Variants in CDKAL1 observed in about 807,000 individuals in gnomAD.
CDKAL1 encodes CDKAL1 threonylcarbamoyladenosine tRNA methylthiotransferase, also known as threonylcarbamoyladenosine tRNA methylthiotransferase.
CDKAL1 carries 32 observed loss-of-function variants against 68.2 expected under a neutral mutation model. The observed-to-expected ratio is 0.47, with a 90% CI of 0.35 to 0.63. CDKAL1 has a LOEUF of 0.63. CDKAL1 is among the 30% of genes least tolerant of loss of function. The pLI is 0.00. For missense variants in CDKAL1, 606 were observed against 696.7 expected, an observed-to-expected ratio of 0.87 and a Z score of 1.47; for synonymous variants, 234 against 244.3, an observed-to-expected ratio of 0.96 and a Z score of 0.39.
chr6:20,735,738 G>A (rs1773161990), intron 5 of CDKAL1, among the ~76,000 whole-genome samples: 1 of 152,170 alleles, frequency 6.6e-6, no homozygotes, highest in African/African-American at 2.4e-5. Flanking sequence ...TATATTGGCT[G>A]TACTGTTTTC....
At chr6:20,661,107 C>T (rs572564152) in intron 5 of CDKAL1, among the ~76,000 whole-genome samples, 2 of 152,200 alleles carry the variant, frequency 1.3e-5, no homozygotes, top group Admixed American at 6.5e-5. Flanking sequence ...TATCCTTGGT[C>T]TCTAGAATAG....
At chr6:20,591,091 A>G (rs1765572450) in intron 4 of CDKAL1, among the ~76,000 whole-genome samples, 1 of 152,068 alleles carries the variant, frequency 6.6e-6, no homozygotes, top group Non-Finnish European at 1.5e-5. Flanking sequence ...TTTGATTTGC[A>G]TTTCTCCAAT....
At chr6:20,964,475 G>T (rs2150742887) in intron 10 of CDKAL1, among the ~76,000 whole-genome samples, 1 of 152,278 alleles carries the variant, frequency 6.6e-6, no homozygotes, top group African/African-American at 2.4e-5. Context: ...CATAAAAAAA[G>T]AACGAAATCA....
At chr6:20,939,875 C>T (rs1045332152) in intron 9 of CDKAL1, among the ~76,000 whole-genome samples, 7 of 152,168 alleles carry the variant, frequency 4.6e-5, no homozygotes, top group African/African-American at 1.7e-4. Context: ...TGGCAAATTA[C>T]ATATCTTACC....
chr6:20,886,192 C>T (rs1761060119), intron 9 of CDKAL1, among the ~76,000 whole-genome samples: 1 of 152,294 alleles, frequency 6.6e-6, no homozygotes, highest in South Asian at 2.1e-4. Flanking sequence ...CAAAACCCTT[C>T]AGACTTGCTA....
In CDKAL1 at chr6:20,943,195, T is replaced by C. The variant is rs138121458; in HGVS notation, c.743-12224T>C. On this transcript the variant is annotated intron_variant, in intron 9 of 15. Transcript: ENST00000274695. ...AGAGTGTTTCAGTCTTTTGAGGTTA[T>C]GTCTCCATTACACTCTGGCTTGCAT... Among the ~76,000 whole-genome samples the C allele has an allele frequency of 2.1e-4, 32 of 151,452 alleles. 1 individual carries two copies. The highest frequency in any genetic ancestry group is 3.9e-4 in the Admixed American group (6 of 15,194).
intron 9 of CDKAL1, among the ~76,000 whole-genome samples, chr6:20,856,083 A>T (rs1453310552): frequency 1.3e-5 from 2 of 152,228 alleles, no homozygotes; most frequent in Non-Finnish European, 2.9e-5. Flanking sequence ...TGATGTATTT[A>T]ATGAAGATTC....
At chr6:20,926,290 A>G (rs1175580902) in intron 9 of CDKAL1, among the ~76,000 whole-genome samples, 1 of 152,136 alleles carries the variant, frequency 6.6e-6, no homozygotes, top group Non-Finnish European at 1.5e-5. Flanking sequence ...TGGTCAGTAC[A>G]CTTATTTATG....
chr6:20,812,088 T>G (rs1357632379), intron 8 of CDKAL1, among the ~76,000 whole-genome samples: 1 of 152,182 alleles, frequency 6.6e-6, no homozygotes, highest in African/African-American at 2.4e-5. Context: ...TTCTTCATGT[T>G]TTAGTTGGAA....
intron 5 of CDKAL1, among the ~76,000 whole-genome samples, chr6:20,682,747 A>C (rs954018959): frequency 1.1e-4 from 17 of 152,140 alleles, no homozygotes; most frequent in Admixed American, 6.5e-5. Flanking sequence ...AAAGCATCTG[A>C]GATTTACTAT....
intron 4 of CDKAL1, among the ~76,000 whole-genome samples, chr6:20,566,372 A>G (rs976962465): frequency 1.3e-5 from 2 of 152,300 alleles, no homozygotes; most frequent in African/African-American, 4.8e-5. Context: ...TTGGTTGAAT[A>G]TGCTTGTTAG....
At chr6:20,891,536 A>AT (rs5874791) in intron 9 of CDKAL1, among the ~76,000 whole-genome samples, 1,454 of 127,482 alleles carry the variant, frequency 0.011, 27 homozygotes, top group African/African-American at 0.033. Flanking sequence ...TTTTTTCTGT[A>AT]TTTTTTTTTT....
intron 12 of CDKAL1, among the ~76,000 whole-genome samples, chr6:21,074,504 C>T (rs1241457107): frequency 1.3e-5 from 2 of 152,176 alleles, no homozygotes; most frequent in East Asian, 3.8e-4. Context: ...GACTCTTCTA[C>T]ATCCCTGTAA....
At chr6:21,138,865 A>G (rs991564636) in intron 13 of CDKAL1, among the ~76,000 whole-genome samples, 1 of 152,192 alleles carries the variant, frequency 6.6e-6, no homozygotes, top group Non-Finnish European at 1.5e-5. Flanking sequence ...AACACTGTAA[A>G]GTCCAGTTTG....
chr6:20,650,370 T>G (rs956297484), intron 5 of CDKAL1, among the ~76,000 whole-genome samples: 8 of 152,190 alleles, frequency 5.3e-5, no homozygotes, highest in Non-Finnish European at 8.8e-5. Context: ...TTTTGAGAAG[T>G]GTCCATGTGC....
intron 12 of CDKAL1, among the ~76,000 whole-genome samples, chr6:21,067,298 T>C (rs1242237722): frequency 1.3e-5 from 2 of 152,176 alleles, no homozygotes; most frequent in Non-Finnish European, 2.9e-5. Context: ...GAATTCATGT[T>C]TGAGTGCTTG....
chr6:21,181,805 C>T (rs1777801070), intron 13 of CDKAL1, among the ~76,000 whole-genome samples: 1 of 152,172 alleles, frequency 6.6e-6, no homozygotes, highest in Admixed American at 6.5e-5. Context: ...TCTTCCTTCT[C>T]TACTGGTAAG....
intron 4 of CDKAL1, among the ~76,000 whole-genome samples, chr6:20,589,248 C>CA (rs1034473857): frequency 1.1e-4 from 17 of 152,132 alleles, no homozygotes; most frequent in African/African-American, 3.4e-4. Context: ...ATACTAATGA[C>CA]AAAAAAATAC....
chr6:20,927,728 G>A (rs1763246935), intron 9 of CDKAL1, among the ~76,000 whole-genome samples: 3 of 152,072 alleles, frequency 2.0e-5, no homozygotes, highest in South Asian at 2.1e-4. Context: ...TGGTAACTAA[G>A]AAGTCTGAAT....
Sources: allele counts gnomAD v4.1 joint callset (sites outside exome capture counted in the v4.1 genomes callset), GRCh38; gene constraint gnomAD v4.1.1; transcripts MANE v1.5; gene names NCBI Gene and HGNC (gene_info 2026-07-23, HGNC 2026-07-21).